The following MPP7 variants were observed in gnomAD, a reference collection of about 807,000 sequenced individuals.
The protein encoded by MPP7 is MAGUK p55 scaffold protein 7.
A neutral mutation model predicts 76.5 loss-of-function variants in MPP7; 60 were observed. The ratio of observed to expected loss-of-function variants is 0.78; its 90% CI spans 0.64 to 0.97. MPP7 has a LOEUF of 0.97. Ranked by LOEUF, MPP7 falls within the 50% of genes least tolerant of loss-of-function variation. The pLI is 0.00. For synonymous variants in MPP7, 237 were observed against 244.5 expected, an observed-to-expected ratio of 0.97 and a Z score of 0.29; for missense variants, 641 against 694.0, an observed-to-expected ratio of 0.92 and a Z score of 0.86.
intron 2 of MPP7, among the ~76,000 whole-genome samples, chr10:28,322,482 ACT>A (rs200319468): frequency 0.012 from 1,769 of 152,158 alleles, 36 homozygotes; most frequent in African/African-American, 0.04. Context: ...TGAAAAACCC[ACT>A]CTCCATAAAA....
intron 13 of MPP7, 25 bp from the exon 14 acceptor site, chr10:28,059,768 A>G (rs1253893504): frequency 6.6e-7 from 1 of 1,517,386 alleles, no homozygotes; most frequent in Non-Finnish European, 9.1e-7. Flanking sequence ...AAAGGAGTTT[A>G]GAAAAGCCCA....
rs566423761 is a variant in MPP7 at position 28,272,930 on chromosome 10, G to C, written c.-132+29931C>G. Among the ~76,000 whole-genome samples the C allele has an allele frequency of 3.9e-5, 6 of 152,046 alleles. No individual in the cohort carries two copies. The South Asian group carries it at 1.2e-3, about 32-fold the overall frequency. The stretch of plus-strand genomic sequence containing the variant: ...GTTTGTTTTTTTTGTTTGTTTGTTT[G>C]TTTTTGAGATGGAGTCTCACTTTGT... On this transcript the variant is annotated intron_variant, in intron 1 of 16. Coordinates refer to ENST00000683449, the MANE Select transcript of MPP7 (RefSeq NM_001318170.2).
intron 11 of MPP7, among the ~76,000 whole-genome samples, chr10:28,108,843 C>T (rs1391981320): frequency 1.3e-5 from 2 of 152,040 alleles, no homozygotes; most frequent in African/African-American, 2.4e-5. Flanking sequence ...TAAATATTTT[C>T]GTGTATAACA....
chr10:28,303,096 G>A (rs539954399), upstream of MPP7, among the ~76,000 whole-genome samples: 2 of 152,308 alleles, frequency 1.3e-5, no homozygotes, highest in African/African-American at 2.4e-5. Context: ...GCGGGACCGC[G>A]GTTGGAGGGG....
At chr10:28,270,908 G>A (rs1840307842) in intron 1 of MPP7, among the ~76,000 whole-genome samples, 1 of 152,138 alleles carries the variant, frequency 6.6e-6, no homozygotes, top group South Asian at 2.1e-4. Flanking sequence ...CTCTCAGTGG[G>A]ACTGCCCCAG....
At chr10:28,319,093 G>T (rs1834343948) in intron 2 of MPP7, among the ~76,000 whole-genome samples, 1 of 152,208 alleles carries the variant, frequency 6.6e-6, no homozygotes, top group Non-Finnish European at 1.5e-5. Context: ...AGGAGGCATG[G>T]CTGAGGAGAC....
At chr10:28,253,411 A>G (rs1222289988) in intron 1 of MPP7, among the ~76,000 whole-genome samples, 1 of 152,184 alleles carries the variant, frequency 6.6e-6, no homozygotes. Context: ...AAAGGAGCCT[A>G]CAAAAGATGG....
chr10:28,057,480 A>G (rs1433117286), intron 15 of MPP7, among the ~76,000 whole-genome samples: 2 of 151,970 alleles, frequency 1.3e-5, no homozygotes, highest in East Asian at 1.9e-4. Context: ...GGCCATGTGA[A>G]GTGCTCAACC....
intron 1 of MPP7, among the ~76,000 whole-genome samples, chr10:28,270,330 A>G (rs1020315033): frequency 6.6e-6 from 1 of 152,126 alleles, no homozygotes; most frequent in Non-Finnish European, 1.5e-5. Flanking sequence ...TAATCACAAT[A>G]CACAGCAGCC....
At position 28,232,596 on chromosome 10, in the gene MPP7, T is replaced by C. The variant is rs763094616; in HGVS notation, c.37+5972A>G. On this transcript the variant is annotated intron_variant, in intron 2 of 16. Transcript: ENST00000683449. ...TGTTATATGTAGCCACTTTCGAAAA[T>C]TTACAATATGTTTTCATTCTAAATA... 4.6e-4 allele frequency among the ~76,000 whole-genome samples: 70 copies of C among 152,296 alleles called. 2 individuals carry two copies. The South Asian group carries it at 5.0e-3, about 11-fold the overall frequency.
intron 2 of MPP7, among the ~76,000 whole-genome samples, chr10:28,226,299 T>C (rs1838688536): frequency 6.6e-6 from 1 of 150,812 alleles, no homozygotes. Flanking sequence ...CAGGCTGGAG[T>C]GCAGTGGTAT....
chr10:28,169,591 A>G (rs1231332268), intron 3 of MPP7, among the ~76,000 whole-genome samples: 1 of 152,226 alleles, frequency 6.6e-6, no homozygotes, highest in Non-Finnish European at 1.5e-5. Flanking sequence ...GTGAACAAGT[A>G]TCACTCTCCA....
intron 1 of MPP7, among the ~76,000 whole-genome samples, chr10:28,262,928 T>A (rs186827025): frequency 6.6e-6 from 1 of 152,138 alleles, no homozygotes; most frequent in Admixed American, 6.5e-5. Flanking sequence ...AGGTGGCATG[T>A]GCCTATAATC....
chr10:28,235,869 T>C (rs749748898), intron 2 of MPP7, among the ~76,000 whole-genome samples: 4 of 152,166 alleles, frequency 2.6e-5, no homozygotes, highest in Non-Finnish European at 5.9e-5. Context: ...GTTCAACCTA[T>C]AATGGCTCAA....
chr10:28,184,498 C>A (rs1837164228), intron 3 of MPP7, among the ~76,000 whole-genome samples: 1 of 149,306 alleles, frequency 6.7e-6, no homozygotes, highest in Admixed American at 6.7e-5. Context: ...CACTTGAGGT[C>A]AGGAGTTTGA....
At chr10:28,180,523 ATTTAT>A (rs1399077641) in intron 3 of MPP7, among the ~76,000 whole-genome samples, 4 of 152,246 alleles carry the variant, frequency 2.6e-5, no homozygotes, top group Non-Finnish European at 4.4e-5. Flanking sequence ...GTTAATAACT[ATTTAT>A]TTTAATTTCT....
chr10:28,077,289 A>C (rs993131504), intron 12 of MPP7, among the ~76,000 whole-genome samples: 4 of 152,184 alleles, frequency 2.6e-5, no homozygotes, highest in Non-Finnish European at 5.9e-5. Flanking sequence ...TCAGAGGCAA[A>C]TGACTTTATT....
chr10:28,134,673 C>T (rs971422133), intron 5 of MPP7, among the ~76,000 whole-genome samples: 5 of 151,974 alleles, frequency 3.3e-5, no homozygotes, highest in East Asian at 3.9e-4. Flanking sequence ...TAAACGTTCA[C>T]GAAGCCTGAT....
At position 28,051,380 on chromosome 10, in the gene MPP7, A is replaced by AG. The variant is rs1851353597; in HGVS notation, c.*2684dup. 6.6e-6 allele frequency: 1 copy of AG among 152,384 alleles called. No homozygotes were observed. Among genetic ancestry groups the AG allele is most frequent in the South Asian group, 2.1e-4 (1 of 4,830 alleles). The allele number at this position is 152,384 out of a possible 1,614,324, so 9.4% of individuals were successfully genotyped here. The stretch of plus-strand genomic sequence containing the variant: ...ACAATACCAGGAAGGTCAGCCTTAA[A>AG]GATACCAAGAACTTCCATATTGGTC... On this transcript the variant is annotated 3_prime_UTR_variant, in exon 17 of 17. Transcript: ENST00000683449.
Sources: gnomAD v4.1 joint callset for allele counts (sites outside exome capture counted in the v4.1 genomes callset) on GRCh38, gnomAD v4.1.1 for gene constraint, MANE v1.5 for transcripts, NCBI Gene and HGNC (gene_info 2026-07-23, HGNC 2026-07-21) for gene names.